LPP: variants seen among roughly 807,000 people sequenced by gnomAD.
LPP encodes lipoma-preferred partner.
Under a neutral mutation model 60.4 loss-of-function variants are expected in LPP, and 38 were observed. The ratio of observed to expected loss-of-function variants is 0.63; its 90% CI spans 0.49 to 0.83. LPP has a LOEUF of 0.83. LPP is among the 40% of genes least tolerant of loss of function. The probability of loss-of-function intolerance (pLI) is 0.00; values close to 1 mark genes in which losing one functional copy is unlikely to be tolerated. For missense variants in LPP, 902 were observed against 783.6 expected, an observed-to-expected ratio of 1.15 and a Z score of -1.80; for synonymous variants, 328 against 290.8, an observed-to-expected ratio of 1.13 and a Z score of -1.30.
At chr3:188,196,970 C>A (rs1729717267) in intron 1 of LPP, among the ~76,000 whole-genome samples, 1 of 152,214 alleles carries the variant, frequency 6.6e-6, no homozygotes, top group African/African-American at 2.4e-5. Context: ...CTGCTTCCTC[C>A]ATTTTAGGCC....
intron 4 of LPP, among the ~76,000 whole-genome samples, chr3:188,410,517 C>A (rs191062721): frequency 6.6e-6 from 1 of 152,254 alleles, no homozygotes; most frequent in Non-Finnish European, 1.5e-5. Flanking sequence ...AGGGCTTTGG[C>A]ACACTGAAAA....
At chr3:188,802,212 A>C (rs146994892) in intron 9 of LPP, among the ~76,000 whole-genome samples, 1 of 152,210 alleles carries the variant, frequency 6.6e-6, no homozygotes, top group African/African-American at 2.4e-5. Flanking sequence ...CTTAGGATCC[A>C]TTCATAGAGC....
intron 9 of LPP, among the ~76,000 whole-genome samples, chr3:188,791,784 G>A (rs1032640234): frequency 1.3e-5 from 2 of 152,084 alleles, no homozygotes; most frequent in African/African-American, 4.8e-5. Context: ...CTGCTCATAT[G>A]TCCTGCTCAG....
chr3:188,303,426 T>C (rs148384928), intron 2 of LPP, among the ~76,000 whole-genome samples: 4 of 152,324 alleles, frequency 2.6e-5, no homozygotes, highest in African/African-American at 9.6e-5. Flanking sequence ...CAGTAAATAT[T>C]TGTTGAATGA....
chr3:188,235,199 T>G (rs115365775), intron 2 of LPP, among the ~76,000 whole-genome samples: 1,891 of 152,266 alleles, frequency 0.012, 34 homozygotes, highest in African/African-American at 0.043. Context: ...GTCTCTGCTG[T>G]GGAACGGGTG....
In LPP at chr3:188,671,040, CAGTTTA is replaced by C. The variant is rs1856854492; in HGVS notation, c.1114-37223_1114-37218del. 2.6e-5 allele frequency among the ~76,000 whole-genome samples: 4 copies of C among 152,286 alleles called. No individual in the cohort carries two copies. The South Asian group carries it at 8.3e-4, about 32-fold the overall frequency. Reference sequence around the variant, plus strand: ...TCCTTTCTCCACATATTTGTTTATGCAGTTTAAGTCTTGCCAGATTGTTCTCTCTAC... The same window carrying C: ...TCCTTTCTCCACATATTTGTTTATGCAGTCTTGCCAGATTGTTCTCTCTAC... On this transcript the variant is annotated intron_variant, in intron 7 of 11. Coordinates refer to ENST00000617246, the MANE Select transcript of LPP (RefSeq NM_001375462.1).
intron 8 of LPP, among the ~76,000 whole-genome samples, chr3:188,721,773 G>C (rs185888106): frequency 5.3e-5 from 8 of 152,180 alleles, no homozygotes; most frequent in African/African-American, 1.7e-4. Context: ...GGATCGTGTT[G>C]TGTTGTTAGA....
At chr3:188,842,050 C>T (rs548853992) in intron 9 of LPP, among the ~76,000 whole-genome samples, 5 of 152,234 alleles carry the variant, frequency 3.3e-5, no homozygotes, top group Admixed American at 1.3e-4. Flanking sequence ...TTCTCTTGCC[C>T]GATTGCACTG....
chr3:188,400,889 T>C (rs1176215992), intron 3 of LPP, among the ~76,000 whole-genome samples: 5 of 152,178 alleles, frequency 3.3e-5, no homozygotes, highest in Non-Finnish European at 2.9e-5. Context: ...GGGTCTCTCT[T>C]AGAAGCCAAG....
chr3:188,311,484 A>G (rs1753402901), intron 2 of LPP, among the ~76,000 whole-genome samples: 2 of 146,178 alleles, frequency 1.4e-5, no homozygotes, highest in Non-Finnish European at 3.0e-5. Flanking sequence ...AAACTAAACT[A>G]AACTAAACTA....
chr3:188,359,954 A>G (rs981524893), intron 3 of LPP, among the ~76,000 whole-genome samples: 12 of 152,146 alleles, frequency 7.9e-5, no homozygotes, highest in African/African-American at 2.7e-4. Flanking sequence ...CTCTGCCCAC[A>G]TTCCAGCCTT....
At chr3:188,847,587 T>C (rs904070218) in intron 9 of LPP, among the ~76,000 whole-genome samples, 6 of 152,208 alleles carry the variant, frequency 3.9e-5, no homozygotes, top group Admixed American at 1.3e-4. Context: ...TCAGAAAGTA[T>C]TGTGCTAAAA....
intron 7 of LPP, among the ~76,000 whole-genome samples, chr3:188,611,617 A>G (rs1843732541): frequency 6.6e-6 from 1 of 152,236 alleles, no homozygotes; most frequent in African/African-American, 2.4e-5. Context: ...CCCTGCCCAA[A>G]ACAGGGTGAC....
At chr3:188,608,744 A>G (rs1606844) in intron 6 of LPP, among the ~76,000 whole-genome samples, 41,697 of 152,070 alleles carry the variant, frequency 0.27, 6,290 homozygotes, top group Non-Finnish European at 0.35. Context: ...CACTGCATCT[A>G]TAGATAACTT....
At chr3:188,284,783 G>A (rs948686567) in intron 2 of LPP, among the ~76,000 whole-genome samples, 1 of 152,182 alleles carries the variant, frequency 6.6e-6, no homozygotes, top group African/African-American at 2.4e-5. Context: ...GGCAGGGGGA[G>A]CATGTAGGGA....
At chr3:188,796,186 C>G (rs1745287791) in intron 9 of LPP, among the ~76,000 whole-genome samples, 1 of 152,160 alleles carries the variant, frequency 6.6e-6, no homozygotes, top group South Asian at 2.1e-4. Flanking sequence ...TTAAGACAGG[C>G]ATTCCTAAGG....
intron 2 of LPP, among the ~76,000 whole-genome samples, chr3:188,272,615 A>T (rs1480757989): frequency 6.6e-6 from 1 of 152,186 alleles, no homozygotes; most frequent in African/African-American, 2.4e-5. Context: ...CGGCAGAGTC[A>T]TTGGGTCAGG....
At chr3:188,651,525 G>T (rs752729796) in intron 7 of LPP, among the ~76,000 whole-genome samples, 1 of 152,132 alleles carries the variant, frequency 6.6e-6, no homozygotes, top group Non-Finnish European at 1.5e-5. Flanking sequence ...CCGTTTTCAC[G>T]CTGCTGATAA....
At chr3:188,311,471 TCTAAACTAAA>T (rs56278922) in intron 2 of LPP, among the ~76,000 whole-genome samples, 28,435 of 141,898 alleles carry the variant, frequency 0.2, 2,930 homozygotes, top group Non-Finnish European at 0.22. Context: ...AGACCCTATC[TCTAAACTAAA>T]CTAAACTAAA....
Sources: allele counts gnomAD v4.1 joint callset (sites outside exome capture counted in the v4.1 genomes callset), GRCh38; gene constraint gnomAD v4.1.1; transcripts MANE v1.5; gene names NCBI Gene and HGNC (gene_info 2026-07-23, HGNC 2026-07-21).